Variants in TDRD9 observed in about 807,000 individuals in gnomAD.
The protein encoded by TDRD9 is tudor domain containing 9, also known as ATP-dependent RNA helicase TDRD9.
A neutral mutation model predicts 172.6 loss-of-function variants in TDRD9; 124 were observed. That is an observed-to-expected ratio of 0.72 (90% CI 0.62 to 0.83). TDRD9 has a LOEUF of 0.83. TDRD9 is among the 40% of genes least tolerant of loss of function. TDRD9 has a pLI of 0.00. For missense variants in TDRD9, 1,479 were observed against 1,714.1 expected (o/e 0.86, Z 2.42); for synonymous variants, 619 against 617.1 (o/e 1.00, Z -0.05).
chr14:104,033,471 A>G (rs2035348122), intron 30 of TDRD9, among the ~76,000 whole-genome samples: 1 of 152,230 alleles, frequency 6.6e-6, no homozygotes, highest in South Asian at 2.1e-4. Context: ...TGCTGGAAGC[A>G]GCAGGATGGA....
intron 32 of TDRD9, 118 bp downstream of exon 32, chr14:104,035,174 G>A (rs767335082): frequency 3.5e-5 from 25 of 717,028 alleles, no homozygotes; most frequent in Middle Eastern, 2.5e-4. Context: ...GCCATGGCAC[G>A]TCTCGCTGCT....
At chr14:103,954,118 A>G (rs894356237) in intron 1 of TDRD9, among the ~76,000 whole-genome samples, 7 of 152,210 alleles carry the variant, frequency 4.6e-5, no homozygotes, top group African/African-American at 1.7e-4. Context: ...ATAGCATATA[A>G]TACATATCAC....
Position 103,963,972 on chromosome 14 carries a change from G to A in TDRD9, c.420+796G>A, listed in dbSNP as rs140689966. Among the ~76,000 whole-genome samples the A allele has an allele frequency of 7.2e-5, 11 of 152,314 alleles. No homozygotes were observed. In the East Asian group the frequency reaches 2.1e-3, roughly 29 times the overall value. The stretch of plus-strand genomic sequence containing the variant: ...AAAATGCTGCATATAATCTGTAAGT[G>A]GAAAAGTGGAAGTTACTTGTTTCCA... On this transcript the variant is annotated intron_variant, in intron 3 of 35. Transcript: ENST00000409874.
chr14:103,952,755 T>TTA (rs1555364627), intron 1 of TDRD9, among the ~76,000 whole-genome samples: 6 of 143,150 alleles, frequency 4.2e-5, no homozygotes, highest in African/African-American at 1.3e-4. Context: ...TTTTTTTTTT[T>TTA]AAAGACAGAG....
chr14:103,928,842 C>T (rs1341372513), intron 1 of TDRD9, 118 bp downstream of exon 1: 3 of 304,884 alleles, frequency 9.8e-6, no homozygotes, highest in Admixed American at 1.0e-4. Flanking sequence ...GCTCCAGGGA[C>T]CCCTGACCGT....
chr14:103,965,570 A>C lies in TDRD9; in HGVS notation c.642+16A>C. 5 of 609,902 alleles carry C rather than the reference A, an allele frequency of 8.2e-6. No individual in the cohort carries two copies. The highest frequency in any genetic ancestry group is 1.5e-5 in the Non-Finnish European group (5 of 343,208). 37.8% of individuals were successfully genotyped at this position (609,902 alleles called of 1,614,324 possible). The stretch of plus-strand genomic sequence containing the variant: ...GGGCTACCAGGTGAGACTGGGAGGG[A>C]GGGAGGGACTAAGAGAGCCAGCTGT... On this transcript the variant is annotated intron_variant, in intron 4 of 35. Coordinates refer to ENST00000409874, the MANE Select transcript of TDRD9 (RefSeq NM_153046.3).
chr14:104,040,196 G>C lies in TDRD9; in HGVS notation c.3717G>C (p.Arg1239Ser). 1 of 1,515,336 alleles carries C rather than the reference G, an allele frequency of 6.6e-7. No individual in the cohort carries two copies. The highest frequency in any genetic ancestry group is 8.9e-7 in the Non-Finnish European group (1 of 1,126,708). 93.9% of individuals were successfully genotyped at this position (1,515,336 alleles called of 1,614,324 possible). A position where few individuals can be genotyped will look rare whatever the true frequency, so the allele number is the denominator to read the frequency against. The change falls in exon 33 of 36, where the codon AGG (arginine) becomes AGC (serine). Residue 1239 changes from arginine to serine, a missense_variant and splice_region_variant. Physicochemically the swap from Arg to Ser is moderately radical, Grantham distance 110. This residue lies in a region of TDRD9 where 1,413 missense variants were observed against 1,649.1 expected (regional missense o/e 0.86). Coordinates refer to ENST00000409874, the MANE Select transcript of TDRD9 (RefSeq NM_153046.3). ...ACTCTTCTGAAAACATTCCATTTAG[G>C]ATTGATCAGAATGGCAAGTACTATA... is the stretch of plus-strand genomic sequence containing the variant. Reference protein sequence around the residue: ...SMLFAPVIELRIDQNGKYYTG... With the variant: ...SMLFAPVIELSIDQNGKYYTG...
intron 21 of TDRD9, among the ~76,000 whole-genome samples, chr14:104,015,068 A>G (rs2034745673): frequency 6.6e-6 from 1 of 152,144 alleles, no homozygotes; most frequent in Non-Finnish European, 1.5e-5. Flanking sequence ...TTGTTTATTT[A>G]TTAATATTTA....
At chr14:103,943,733 C>T (rs1464185121) in intron 1 of TDRD9, among the ~76,000 whole-genome samples, 1 of 152,140 alleles carries the variant, frequency 6.6e-6, no homozygotes, top group Admixed American at 6.5e-5. Context: ...CTCTGTGAAA[C>T]GACTGCATAG....
intron 1 of TDRD9, among the ~76,000 whole-genome samples, chr14:103,937,678 C>T (rs116433115): frequency 0.016 from 2,461 of 152,156 alleles, 69 homozygotes; most frequent in African/African-American, 0.056. Flanking sequence ...GAGTTGAGTA[C>T]ATGGGTGGTG....
At chr14:103,953,589 G>A (rs2032053093) in intron 1 of TDRD9, among the ~76,000 whole-genome samples, 1 of 150,274 alleles carries the variant, frequency 6.7e-6, no homozygotes, top group Admixed American at 6.7e-5. Flanking sequence ...CTGCAAGCTG[G>A]AGAAGAAGGA....
At chr14:104,007,635 T>C (rs922558091) in intron 19 of TDRD9, among the ~76,000 whole-genome samples, 1 of 136,926 alleles carries the variant, frequency 7.3e-6, no homozygotes, top group African/African-American at 2.8e-5. Flanking sequence ...CCCTCCATTT[T>C]ATTGTTTTTT....
chr14:103,966,422 T>C (rs1216596354), intron 4 of TDRD9, among the ~76,000 whole-genome samples: 1 of 152,258 alleles, frequency 6.6e-6, no homozygotes, highest in Non-Finnish European at 1.5e-5. Flanking sequence ...ATGGCTTTTA[T>C]AATTTTATCT....
chr14:103,975,280 A>G lies in TDRD9; in HGVS notation c.847-109A>G, dbSNP rs973580009. 23 of 1,041,432 alleles carry G rather than the reference A, an allele frequency of 2.2e-5. No homozygotes were observed. The Middle Eastern group carries it at 8.1e-4, about 37-fold the overall frequency. 64.5% of individuals were successfully genotyped at this position (1,041,432 alleles called of 1,614,324 possible). ...ATCAGGGTGGTCTGTTTAAAGTCTCAAAAGTTGTTAGATAAGGAGTGAAGC... is the reference window on the plus strand; with the variant it reads ...ATCAGGGTGGTCTGTTTAAAGTCTCGAAAGTTGTTAGATAAGGAGTGAAGC... On this transcript the variant is annotated intron_variant, in intron 6 of 35. Coordinates refer to ENST00000409874, the MANE Select transcript of TDRD9 (RefSeq NM_153046.3).
Position 104,026,231 on chromosome 14 carries a change from A to C in TDRD9, c.3021+95A>C. 3 of 848,890 alleles carry C rather than the reference A, an allele frequency of 3.5e-6. No homozygotes were observed. The East Asian group carries it at 7.4e-5, about 21-fold the overall frequency. 52.6% of individuals were successfully genotyped at this position (848,890 alleles called of 1,614,324 possible). A position where few individuals can be genotyped will look rare whatever the true frequency, so the allele number is the denominator to read the frequency against. The stretch of plus-strand genomic sequence containing the variant: ...CATATGGTGCCCTGCCTCGGCTTAC[A>C]GCTAGGGGAGCCAAGGCCCAGGACA... On this transcript the variant is annotated intron_variant, in intron 27 of 35. Coordinates refer to ENST00000409874, the MANE Select transcript of TDRD9 (RefSeq NM_153046.3).
chr14:104,010,769 C>T (rs1374468632), intron 20 of TDRD9, among the ~76,000 whole-genome samples: 3 of 152,188 alleles, frequency 2.0e-5, no homozygotes, highest in Non-Finnish European at 4.4e-5. Context: ...CCAAAATTCA[C>T]GAATACTCAA....
At chr14:103,976,399 A>G (rs113675183) in intron 7 of TDRD9, among the ~76,000 whole-genome samples, 3,524 of 151,750 alleles carry the variant, frequency 0.023, 78 homozygotes, top group East Asian at 0.071. Flanking sequence ...TCAGCCTCCC[A>G]AATAGCTAGG....
chr14:104,003,048 A>G (rs950991739), intron 13 of TDRD9, among the ~76,000 whole-genome samples: 6 of 151,874 alleles, frequency 4.0e-5, no homozygotes, highest in Admixed American at 1.3e-4. Context: ...CTTTTGGTCA[A>G]CCTGTCAAGA....
rs1368124081 is a variant in TDRD9, at chr14:103,997,770, G to T, written c.1379-854G>T. Among the ~76,000 whole-genome samples, 2 of 152,220 alleles carry T rather than the reference G, an allele frequency of 1.3e-5. No homozygotes were observed. Among genetic ancestry groups the T allele is most frequent in the South Asian group, 2.1e-4 (1 of 4,836 alleles). ...CCCAGTGGGAAAAGGGTCTTGAGGG[G>T]ATGGAGTGGAGGAGTGCATCAGATG... On this transcript the variant is annotated intron_variant, in intron 12 of 35. Coordinates refer to ENST00000409874, the MANE Select transcript of TDRD9 (RefSeq NM_153046.3). The surrounding 1 kb of genome is among the most constrained non-coding windows in gnomAD (Gnocchi z 5.1).
Sources: gnomAD v4.1 joint callset for allele counts (sites outside exome capture counted in the v4.1 genomes callset) on GRCh38, gnomAD v4.1.1 for gene constraint, gnomAD v4.1.1 regional missense constraint, Gnocchi (gnomAD v3.1) non-coding constraint, MANE v1.5 for transcripts, NCBI Gene and HGNC (gene_info 2026-07-23, HGNC 2026-07-21) for gene names.